The following TNKS variants were observed in gnomAD, a reference collection of about 807,000 sequenced individuals.
TNKS encodes the protein tankyrase, also known as poly [ADP-ribose] polymerase tankyrase-1.
A neutral mutation model predicts 135.8 loss-of-function variants in TNKS; 72 were observed. The ratio of observed to expected loss-of-function variants is 0.53; its 90% CI spans 0.44 to 0.64. The LOEUF is 0.64. TNKS is among the 30% of genes least tolerant of loss of function. The pLI is 0.00. For synonymous variants in TNKS, 849 were observed against 649.3 expected, an observed-to-expected ratio of 1.31 and a Z score of -4.68; for missense variants, 1,769 against 1,674.0, an observed-to-expected ratio of 1.06 and a Z score of -0.99.
At chr8:9,679,822 C>T (rs1802702816) in intron 3 of TNKS, 129 bp from the exon 4 acceptor site, 1 of 686,528 alleles carries the variant, frequency 1.5e-6, no homozygotes, top group Non-Finnish European at 2.5e-6. Context: ...CGTCACGGCT[C>T]CATCACCCAG....
At chr8:9,732,427 G>A (rs753068454) in intron 14 of TNKS, among the ~76,000 whole-genome samples, 4 of 152,092 alleles carry the variant, frequency 2.6e-5, no homozygotes, top group African/African-American at 4.8e-5. Context: ...TAAACTGCAC[G>A]ATTTAGGCCT....
chr8:9,664,196 C>G (rs562529128), intron 3 of TNKS, among the ~76,000 whole-genome samples: 1 of 152,280 alleles, frequency 6.6e-6, no homozygotes, highest in African/African-American at 2.4e-5. Context: ...GTGCCAGCAT[C>G]TATGTCTGGT....
intron 2 of TNKS, among the ~76,000 whole-genome samples, chr8:9,599,757 A>T (rs1798939839): frequency 6.6e-6 from 1 of 152,118 alleles, no homozygotes; most frequent in African/African-American, 2.4e-5. Context: ...AGAATAATCT[A>T]TACCTAAGTT....
chr8:9,681,308 T>C (rs1002574428), intron 5 of TNKS, among the ~76,000 whole-genome samples: 1 of 152,170 alleles, frequency 6.6e-6, no homozygotes, highest in Non-Finnish European at 1.5e-5. Context: ...GTTTTAGTTG[T>C]GGAATATTGA....
chr8:9,608,928 A>T (rs1022331989), intron 2 of TNKS, among the ~76,000 whole-genome samples: 4 of 152,150 alleles, frequency 2.6e-5, no homozygotes, highest in Non-Finnish European at 5.9e-5. Flanking sequence ...CTCCAATTTC[A>T]TAATCGGTTA....
chr8:9,763,141 C>A lies in TNKS; in HGVS notation c.3275-6C>A. 6.5e-7 allele frequency: 1 copy of A among 1,548,554 alleles called. No individual in the cohort carries two copies. The highest frequency in any genetic ancestry group is 8.8e-7 in the Non-Finnish European group (1 of 1,138,830). On this transcript the variant is annotated splice_region_variant and splice_polypyrimidine_tract_variant and intron_variant, in intron 21 of 26. Transcript: ENST00000310430. ...TGTTTTATATGTTAATTTTTCTCTC[C>A]GACAGGCACCAATCCTTATTTGACT... is the stretch of plus-strand genomic sequence containing the variant.
chr8:9,653,581 A>G (rs1563143867), intron 3 of TNKS, among the ~76,000 whole-genome samples: 3 of 151,620 alleles, frequency 2.0e-5, no homozygotes, highest in South Asian at 2.1e-4. Context: ...CTTTATAACA[A>G]CTCACTCTCG....
In TNKS at chr8:9,770,117, T is replaced by C; in HGVS notation, c.3752T>C (p.Phe1251Ser). 4 of 1,612,782 alleles carry C rather than the reference T, an allele frequency of 2.5e-6. No homozygotes were observed. Among genetic ancestry groups the C allele is most frequent in the Non-Finnish European group, 3.4e-6 (4 of 1,179,700 alleles). Residue 1251 changes from phenylalanine to serine, a missense_variant, in exon 26 of 27, where the codon TTC (phenylalanine) becomes TCC (serine). Transcript: ENST00000310430. Reference protein sequence around the residue: ...SCYICHRQMLFCRVTLGKSFL... With the variant: ...SCYICHRQMLSCRVTLGKSFL... ...TTCTTTTTCCTTAGACAAATGCTCT[T>C]CTGTAGAGTGACCCTTGGGAAATCC...
intron 17 of TNKS, among the ~76,000 whole-genome samples, chr8:9,740,158 G>A (rs71516536): frequency 0.11 from 15,946 of 150,994 alleles, 1,259 homozygotes; most frequent in Admixed American, 0.24. Context: ...CCTTGATGCC[G>A]TATGTCAGAA....
chr8:9,732,856 G>A (rs1209916634), intron 14 of TNKS, among the ~76,000 whole-genome samples: 4 of 152,024 alleles, frequency 2.6e-5, no homozygotes, highest in African/African-American at 9.7e-5. Flanking sequence ...ATTTACACCT[G>A]TGCATGGAAA....
rs1373981134 is a variant in TNKS, at chr8:9,710,274, T to A, written c.1749+54T>A. ...GACTCAGCACTGAGCAGCCAGCTGC[T>A]CTTAACACTGCTTCTCTCTCTCCGA... On this transcript the variant is annotated intron_variant, in intron 11 of 26. Transcript: ENST00000310430. 3.3e-6 allele frequency: 5 copies of A among 1,518,726 alleles called. No homozygotes were observed. The South Asian group carries it at 4.5e-5, about 14-fold the overall frequency. The allele number at this position is 1,518,726 out of a possible 1,614,324, so 94.1% of individuals were successfully genotyped here. A position where few individuals can be genotyped will look rare whatever the true frequency, so the allele number is the denominator to read the frequency against.
chr8:9,751,454 G>A (rs1009775652), intron 18 of TNKS, among the ~76,000 whole-genome samples, 155 bp from the exon 19 acceptor site: 1 of 152,126 alleles, frequency 6.6e-6, no homozygotes, highest in East Asian at 1.9e-4. Flanking sequence ...AAACTCTTTG[G>A]AGCTGTGGAT....
At chr8:9,584,254 C>A (rs566468587) in intron 2 of TNKS, among the ~76,000 whole-genome samples, 1 of 143,896 alleles carries the variant, frequency 6.9e-6, no homozygotes, top group Non-Finnish European at 1.5e-5. Context: ...AATTCTTTTT[C>A]TGATTTTGGA....
chr8:9,661,270 T>G (rs1179854019), intron 3 of TNKS, among the ~76,000 whole-genome samples: 1 of 152,156 alleles, frequency 6.6e-6, no homozygotes, highest in African/African-American at 2.4e-5. Flanking sequence ...GAGCCTGCAT[T>G]GCCAAGTCAA....
chr8:9,707,258 T>C (rs1804092607), intron 8 of TNKS, among the ~76,000 whole-genome samples: 1 of 152,222 alleles, frequency 6.6e-6, no homozygotes, highest in East Asian at 1.9e-4. Context: ...CTAATGAGGA[T>C]GAGTCAATCA....
chr8:9,558,466 C>A (rs548384157), intron 1 of TNKS: 2 of 152,254 alleles, frequency 1.3e-5, no homozygotes, highest in African/African-American at 2.4e-5. Flanking sequence ...TCTACTTTTG[C>A]ATACTTTATT....
At chr8:9,638,335 T>C (rs905066304) in intron 3 of TNKS, among the ~76,000 whole-genome samples, 1 of 152,236 alleles carries the variant, frequency 6.6e-6, no homozygotes, top group Non-Finnish European at 1.5e-5. Flanking sequence ...TGTTACTTAC[T>C]TTCTCATTAG....
chr8:9,560,878 G>T (rs1407630225), intron 1 of TNKS, among the ~76,000 whole-genome samples: 1 of 151,886 alleles, frequency 6.6e-6, no homozygotes, highest in Non-Finnish European at 1.5e-5. Flanking sequence ...AGTTTACAGA[G>T]AACTTTTAGT....
chr8:9,574,113 T>C (rs1157339458), intron 1 of TNKS, among the ~76,000 whole-genome samples: 1 of 152,238 alleles, frequency 6.6e-6, no homozygotes, highest in Non-Finnish European at 1.5e-5. Context: ...AATTTGGGTT[T>C]CTTCACTGCC....
Sources: allele counts gnomAD v4.1 joint callset (sites outside exome capture counted in the v4.1 genomes callset), GRCh38; gene constraint gnomAD v4.1.1; transcripts MANE v1.5; gene names NCBI Gene and HGNC (gene_info 2026-07-23, HGNC 2026-07-21).